TRPM3: variants seen among roughly 807,000 people sequenced by gnomAD.
TRPM3 encodes long transient receptor potential channel 3.
A neutral mutation model predicts 181.2 loss-of-function variants in TRPM3; 77 were observed. The ratio of observed to expected loss-of-function variants is 0.42; its 90% CI spans 0.35 to 0.51. TRPM3 has a LOEUF of 0.51. Ranked by LOEUF, TRPM3 falls within the 20% of genes least tolerant of loss-of-function variation. TRPM3 has a pLI of 0.01. For synonymous variants in TRPM3, 745 were observed against 796.4 expected (o/e 0.94, Z 1.09); for missense variants, 1,759 against 2,196.7 (o/e 0.80, Z 3.98).
chr9:70,830,991 G>A (rs1393847965), intron 5 of TRPM3, among the ~76,000 whole-genome samples: 2 of 152,098 alleles, frequency 1.3e-5, no homozygotes, highest in African/African-American at 4.8e-5. Context: ...AGAAATCAAT[G>A]TAAGTAAAGA....
In TRPM3 at chr9:70,591,098, C is replaced by T. The variant is rs12337271; in HGVS notation, c.3156G>A (p.Leu1052=). 1.6e-3 allele frequency: 2,561 copies of T among 1,614,152 alleles called. 39 individuals carry two copies. The African/African-American group carries it at 0.03, about 19-fold the overall frequency. Residue 1052 remains leucine (L), a synonymous_variant, in exon 22 of 26, where the codon CTG becomes CTA. Transcript: ENST00000677713. The stretch of plus-strand genomic sequence containing the variant: ...AGGGCATGTAGAAGATGTTCTTGGC[C>T]AGTTTCCATGATGGCTCCTCATTGG... ...LFPNEEPSWK[L]AKNIFYMPYW...
chr9:70,665,534 T>A (rs2061723294), intron 9 of TRPM3, among the ~76,000 whole-genome samples: 1 of 152,224 alleles, frequency 6.6e-6, no homozygotes, highest in Non-Finnish European at 1.5e-5. Context: ...CTCTTTATTG[T>A]GCCCTCTGCC....
intron 1 of TRPM3, among the ~76,000 whole-genome samples, chr9:71,408,772 C>T (rs531659390): frequency 3.3e-5 from 5 of 152,144 alleles, no homozygotes; most frequent in South Asian, 2.1e-4. Flanking sequence ...AGATACTCCT[C>T]GAGGAGAGCA....
intron 1 of TRPM3, among the ~76,000 whole-genome samples, chr9:71,082,594 C>T (rs988815318): frequency 6.6e-6 from 1 of 152,090 alleles, no homozygotes; most frequent in Non-Finnish European, 1.5e-5. Context: ...ACTTTTTGTG[C>T]AAAGAAAGAT....
intron 1 of TRPM3, among the ~76,000 whole-genome samples, chr9:71,222,657 A>G (rs549669539): frequency 6.6e-6 from 1 of 152,312 alleles, no homozygotes; most frequent in East Asian, 1.9e-4. Flanking sequence ...AGAGGGACTG[A>G]AGAGGGTGGA....
intron 1 of TRPM3, among the ~76,000 whole-genome samples, chr9:71,182,749 A>G (rs1018826472): frequency 3.9e-5 from 6 of 152,058 alleles, no homozygotes; most frequent in African/African-American, 1.2e-4. Context: ...GCAACCTCCA[A>G]CGCCGTGGTT....
chr9:71,440,249 A>C (rs2131666143), intron 1 of TRPM3, among the ~76,000 whole-genome samples: 1 of 152,282 alleles, frequency 6.6e-6, no homozygotes, highest in African/African-American at 2.4e-5. Context: ...TAGAAATATA[A>C]TTCACCCAAG....
chr9:71,051,016 TA>T (rs958901816), intron 1 of TRPM3, among the ~76,000 whole-genome samples: 1 of 152,234 alleles, frequency 6.6e-6, no homozygotes, highest in African/African-American at 2.4e-5. Flanking sequence ...TACTCATCTG[TA>T]AAACTTGTCA....
intron 1 of TRPM3, among the ~76,000 whole-genome samples, chr9:71,396,842 T>C (rs569021962): frequency 5.3e-5 from 8 of 151,930 alleles, no homozygotes; most frequent in African/African-American, 1.4e-4. Flanking sequence ...GGCACGTGCC[T>C]GTAGTCCCAG....
At chr9:70,654,719 G>A (rs1330270340) in intron 9 of TRPM3, among the ~76,000 whole-genome samples, 2 of 147,254 alleles carry the variant, frequency 1.4e-5, no homozygotes, top group African/African-American at 5.1e-5. Flanking sequence ...GTCTCGCTCT[G>A]TCACCCAGGC....
chr9:71,185,821 G>T (rs985852736), intron 1 of TRPM3, among the ~76,000 whole-genome samples: 1 of 152,016 alleles, frequency 6.6e-6, no homozygotes, highest in East Asian at 1.9e-4. Flanking sequence ...TAGAATGGAC[G>T]TGTGCATGTG....
intron 1 of TRPM3, among the ~76,000 whole-genome samples, chr9:71,130,966 AGAGC>A (rs1194902638): frequency 6.6e-6 from 1 of 152,228 alleles, no homozygotes. Context: ...AGATCAGATG[AGAGC>A]ATGATGTATT....
intron 6 of TRPM3, among the ~76,000 whole-genome samples, chr9:70,816,230 C>A (rs2092678431): frequency 6.6e-6 from 1 of 152,226 alleles, no homozygotes; most frequent in African/African-American, 2.4e-5. Context: ...TTGCCATCAG[C>A]AAACACATCC....
chr9:71,208,151 G>C, intron 1 of TRPM3, among the ~76,000 whole-genome samples: 1 of 152,102 alleles, frequency 6.6e-6, no homozygotes, highest in East Asian at 1.9e-4. Flanking sequence ...TTTTGCCAAA[G>C]AACAGGGTAG....
intron 5 of TRPM3, among the ~76,000 whole-genome samples, chr9:70,840,846 T>C (rs770081112): frequency 1.1e-4 from 16 of 152,038 alleles, no homozygotes; most frequent in Non-Finnish European, 1.2e-4. Flanking sequence ...GGAAATTATT[T>C]AGTTACTCTA....
At chr9:70,977,822 A>G (rs1486912068) in intron 1 of TRPM3, among the ~76,000 whole-genome samples, 2 of 152,216 alleles carry the variant, frequency 1.3e-5, no homozygotes, top group Non-Finnish European at 2.9e-5. Context: ...TGTATAGGGC[A>G]AGGTACGTGG....
At chr9:70,803,130 T>C (rs1432386340) in intron 6 of TRPM3, among the ~76,000 whole-genome samples, 1 of 141,716 alleles carries the variant, frequency 7.1e-6, no homozygotes, top group Non-Finnish European at 1.5e-5. Context: ...GGGGGAGAAG[T>C]GGGAGCAGAT....
chr9:70,565,288 G>GTATTTA (rs1159351304), intron 22 of TRPM3, among the ~76,000 whole-genome samples: 1 of 152,062 alleles, frequency 6.6e-6, no homozygotes, highest in East Asian at 1.9e-4. Context: ...AGATTTATCT[G>GTATTTA]TTTTTATTTT....
intron 1 of TRPM3, among the ~76,000 whole-genome samples, chr9:71,412,472 T>C (rs1007987446): frequency 6.6e-6 from 1 of 152,206 alleles, no homozygotes; most frequent in Non-Finnish European, 1.5e-5. Context: ...AAAGATGACA[T>C]TTATGCAGCC....
Sources: allele counts gnomAD v4.1 joint callset (sites outside exome capture counted in the v4.1 genomes callset), GRCh38; gene constraint gnomAD v4.1.1; transcripts MANE v1.5; gene names NCBI Gene and HGNC (gene_info 2026-07-23, HGNC 2026-07-21).